SZRD1: variants seen among roughly 807,000 people sequenced by gnomAD.
The protein encoded by SZRD1 is SUZ RNA-binding domain-containing.
Under a neutral mutation model 17.6 loss-of-function variants are expected in SZRD1, and 7 were observed. The ratio of observed to expected loss-of-function variants is 0.40; its 90% CI spans 0.23 to 0.75. The LOEUF (loss-of-function observed/expected upper bound fraction) is 0.75. Among genes scored for constraint, SZRD1 ranks in the 30% least tolerant of loss-of-function variants. SZRD1 has a pLI of 0.38. For missense variants in SZRD1, 178 were observed against 201.8 expected, an observed-to-expected ratio of 0.88 and a Z score of 0.71; for synonymous variants, 77 against 77.9, an observed-to-expected ratio of 0.99 and a Z score of 0.06.
chr1:16,371,917 A>T (rs547993271), intron 1 of SZRD1, among the ~76,000 whole-genome samples: 2 of 152,152 alleles, frequency 1.3e-5, no homozygotes, highest in South Asian at 2.1e-4. Context: ...TTTTGTAGAG[A>T]CAGGGTCTTG....
intron 1 of SZRD1, among the ~76,000 whole-genome samples, chr1:16,373,695 T>C (rs2082950768): frequency 6.6e-6 from 1 of 151,264 alleles, no homozygotes; most frequent in South Asian, 2.1e-4. Flanking sequence ...CCTCCCAGGC[T>C]CAAGTGATCC....
At chr1:16,387,861 T>G in intron 1 of SZRD1, 1 of 362,762 alleles carries the variant, frequency 2.8e-6, no homozygotes, top group South Asian at 2.1e-5. Flanking sequence ...ATTAATAGAA[T>G]TAATACAATT....
At chr1:16,378,406 TC>T (rs1216528025) in intron 1 of SZRD1, among the ~76,000 whole-genome samples, 1 of 149,976 alleles carries the variant, frequency 6.7e-6, no homozygotes, top group African/African-American at 2.4e-5. Flanking sequence ...TGCCTCAGCC[TC>T]CCGAGTAGCT....
At chr1:16,371,916 G>A (rs2082921918) in intron 1 of SZRD1, among the ~76,000 whole-genome samples, 1 of 152,130 alleles carries the variant, frequency 6.6e-6, no homozygotes, top group South Asian at 2.1e-4. Flanking sequence ...TTTTTGTAGA[G>A]ACAGGGTCTT....
At chr1:16,369,870 CAA>C (rs942531334) in intron 1 of SZRD1, among the ~76,000 whole-genome samples, 3 of 130,528 alleles carry the variant, frequency 2.3e-5, no homozygotes, top group African/African-American at 8.4e-5. Flanking sequence ...GCCTGGGCAA[CAA>C]GAGTGAAACT....
chr1:16,381,208 T>C (rs1187505252), intron 1 of SZRD1, among the ~76,000 whole-genome samples: 1 of 151,306 alleles, frequency 6.6e-6, no homozygotes, highest in Non-Finnish European at 1.5e-5. Context: ...GAGCTGTGAT[T>C]GTACCATTGC....
intron 1 of SZRD1, among the ~76,000 whole-genome samples, chr1:16,367,547 C>A (rs1308972931): frequency 2.0e-5 from 3 of 152,220 alleles, no homozygotes; most frequent in Non-Finnish European, 4.4e-5. Context: ...GCGCGTCACC[C>A]GGGGCGCCCC....
intron 1 of SZRD1, among the ~76,000 whole-genome samples, chr1:16,379,471 C>T (rs1023550277): frequency 2.6e-5 from 4 of 152,224 alleles, no homozygotes; most frequent in Non-Finnish European, 5.9e-5. Context: ...ACTTAACTTC[C>T]GGGTATGCAG....
intron 1 of SZRD1, chr1:16,387,398 CTTA>C: frequency 4.5e-6 from 2 of 449,146 alleles, no homozygotes; most frequent in South Asian, 3.1e-5. Flanking sequence ...CTCTCTCTGT[CTTA>C]TTTGGCTCTC....
At chr1:16,377,385 C>T (rs1194636008) in intron 1 of SZRD1, among the ~76,000 whole-genome samples, 2 of 151,978 alleles carry the variant, frequency 1.3e-5, no homozygotes, top group Non-Finnish European at 2.9e-5. Context: ...GAGTTCAAGA[C>T]CAGTCTGGCC....
chr1:16,367,409 C>G (rs1458025101), intron 1 of SZRD1, 101 bp downstream of exon 1: 5 of 1,186,736 alleles, frequency 4.2e-6, no homozygotes, highest in African/African-American at 1.6e-5. Flanking sequence ...AAGGAAGGGC[C>G]CCATACGCCG....
intron 1 of SZRD1, among the ~76,000 whole-genome samples, chr1:16,386,366 C>G (rs2085119978): frequency 6.6e-6 from 1 of 152,228 alleles, no homozygotes; most frequent in South Asian, 2.1e-4. Context: ...TAGTACGATT[C>G]CTTATTTCAG....
At chr1:16,392,885 A>G (rs911165933) in intron 2 of SZRD1, among the ~76,000 whole-genome samples, 4 of 152,198 alleles carry the variant, frequency 2.6e-5, no homozygotes, top group East Asian at 3.9e-4. Flanking sequence ...ACGTCATTCA[A>G]TTCTGGACAT....
intron 1 of SZRD1, among the ~76,000 whole-genome samples, chr1:16,388,663 C>T (rs1266865415): frequency 7.0e-6 from 1 of 143,452 alleles, no homozygotes; most frequent in Non-Finnish European, 1.5e-5. Context: ...GTTTAACTTA[C>T]TAGAAAGAAT....
chr1:16,389,996 C>G (rs1327349602), intron 1 of SZRD1, among the ~76,000 whole-genome samples: 1 of 152,216 alleles, frequency 6.6e-6, no homozygotes, highest in Non-Finnish European at 1.5e-5. Context: ...TTTAGCATTT[C>G]CCCAATAGTG....
intron 1 of SZRD1, among the ~76,000 whole-genome samples, chr1:16,378,267 A>G (rs1164916553): frequency 1.4e-5 from 2 of 141,906 alleles, no homozygotes; most frequent in East Asian, 4.2e-4. Context: ...CTGAAGAATT[A>G]TTTCTGTTTG....
At chr1:16,394,945 A>G in intron 3 of SZRD1, 93 bp from the exon 4 acceptor site, 2 of 768,246 alleles carry the variant, frequency 2.6e-6, no homozygotes, top group Non-Finnish European at 4.3e-6. Context: ...ACAGAATGAG[A>G]CTCCGTCTCA....
chr1:16,387,903 C>T (rs553363874), intron 1 of SZRD1: 7 of 351,188 alleles, frequency 2.0e-5, no homozygotes, highest in African/African-American at 8.6e-5. Flanking sequence ...GGACAGAGTA[C>T]GTAGTGGACA....
intron 1 of SZRD1, among the ~76,000 whole-genome samples, chr1:16,371,707 C>T (rs1569994120): frequency 6.6e-6 from 1 of 151,786 alleles, no homozygotes; most frequent in South Asian, 2.1e-4. Context: ...GTGATCCGCC[C>T]GCCTCGGCCT....
Sources: gnomAD v4.1 joint callset for allele counts (sites outside exome capture counted in the v4.1 genomes callset) on GRCh38, gnomAD v4.1.1 for gene constraint, MANE v1.5 for transcripts, NCBI Gene and HGNC (gene_info 2026-07-23, HGNC 2026-07-21) for gene names.